C1orf21: variants seen among roughly 807,000 people sequenced by gnomAD.
The protein encoded by C1orf21 is uncharacterized protein C1orf21.
C1orf21 carries 3 observed loss-of-function variants against 18.7 expected under a neutral mutation model. That is an observed-to-expected ratio of 0.16 (90% CI 0.07 to 0.42). C1orf21 has a LOEUF of 0.42. C1orf21 is among the 10% of genes least tolerant of loss of function. C1orf21 has a pLI of 0.99. For synonymous variants in C1orf21, 41 were observed against 46.4 expected (o/e 0.88, Z 0.47); for missense variants, 104 against 143.6 (o/e 0.72, Z 1.41).
intron 1 of C1orf21, among the ~76,000 whole-genome samples, chr1:184,422,855 A>G (rs139057251): frequency 2.5e-4 from 38 of 152,318 alleles, no homozygotes; most frequent in Middle Eastern, 3.4e-3. Flanking sequence ...TTGTCCCCCA[A>G]TGGCTTGGTA....
chr1:184,454,514 C>T (rs114252351), intron 1 of C1orf21, among the ~76,000 whole-genome samples: 1 of 152,112 alleles, frequency 6.6e-6, no homozygotes, highest in Non-Finnish European at 1.5e-5. Context: ...TCATGTCAAA[C>T]TGTGGTCCCT....
intron 1 of C1orf21, among the ~76,000 whole-genome samples, chr1:184,463,430 G>C (rs1657338398): frequency 6.6e-6 from 1 of 152,110 alleles, no homozygotes; most frequent in Admixed American, 6.5e-5. Flanking sequence ...CTCAACATTT[G>C]ACCTTTTTAT....
rs1334669735 is a variant in C1orf21, at chr1:184,607,680, T to TACATATATGTGTGTGTATATATATAC, written c.327+9247_327+9272dup. On this transcript the variant is annotated intron_variant, in intron 5 of 5. Transcript: ENST00000235307. ...ATACATATATATGTGTGTATATATA[T>TACATATATGTGTGTGTATATATATAC]ACATATATGTGTGTGTATATATATA... is the stretch of plus-strand genomic sequence containing the variant. Among the ~76,000 whole-genome samples the TACATATATGTGTGTGTATATATATAC allele has an allele frequency of 1.1e-3, 164 of 151,024 alleles. 2 individuals carry two copies. The East Asian group carries it at 0.011, about 10-fold the overall frequency.
In C1orf21 at chr1:184,590,776, A is replaced by G. The variant is rs1440925754; in HGVS notation, c.227A>G (p.Asn76Ser). The G allele has an allele frequency of 6.2e-7, 1 of 1,614,028 alleles. No homozygotes were observed. Among genetic ancestry groups the G allele is most frequent in the African/African-American group, 1.3e-5 (1 of 74,932 alleles). Residue 76 changes from asparagine to serine, a missense_variant, in exon 4 of 6, where the codon AAT becomes AGT. Physicochemically the swap from Asn to Ser is conservative, Grantham distance 46 (BLOSUM62 1). Coordinates refer to ENST00000235307, the MANE Select transcript of C1orf21 (RefSeq NM_030806.4). Reference protein sequence around the residue: ...SASSNVRLKTNKEVPGLVHQP... With the variant: ...SASSNVRLKTSKEVPGLVHQP... ...AGCTCAAATGTAAGACTTAAAACTA[A>G]TAAAGAGGTTCCGGGATTAGTTCAT...
At chr1:184,484,884 C>CTGTGTGTGTGTGTG (rs3034460) in intron 2 of C1orf21, among the ~76,000 whole-genome samples, 8 of 146,092 alleles carry the variant, frequency 5.5e-5, no homozygotes, top group African/African-American at 7.6e-5. Flanking sequence ...ATGCTTGTGG[C>CTGTGTGTGTGTGTG]TGTGTGTGTG....
chr1:184,579,924 A>C (rs987638213), intron 3 of C1orf21, among the ~76,000 whole-genome samples: 1 of 152,198 alleles, frequency 6.6e-6, no homozygotes, highest in Non-Finnish European at 1.5e-5. Flanking sequence ...ATGATTTCCC[A>C]TAAAAACTCT....
chr1:184,514,447 G>T (rs114558709), intron 3 of C1orf21, among the ~76,000 whole-genome samples: 164 of 152,302 alleles, frequency 1.1e-3, no homozygotes, highest in Admixed American at 2.9e-3. Flanking sequence ...GAGAAATGCA[G>T]ATTATGACAT....
intron 2 of C1orf21, among the ~76,000 whole-genome samples, chr1:184,491,707 C>T (rs1657819479): frequency 6.6e-6 from 1 of 152,112 alleles, no homozygotes; most frequent in African/African-American, 2.4e-5. Context: ...AAGTTCTGGG[C>T]CACAGGCTAT....
chr1:184,563,650 A>G (rs1658995591), intron 3 of C1orf21, among the ~76,000 whole-genome samples: 2 of 152,244 alleles, frequency 1.3e-5, no homozygotes, highest in South Asian at 4.1e-4. Context: ...AGAATAGTGT[A>G]ATCTAGCAAA....
At chr1:184,435,939 G>A (rs1571356404) in intron 1 of C1orf21, among the ~76,000 whole-genome samples, 1 of 152,338 alleles carries the variant, frequency 6.6e-6, no homozygotes, top group South Asian at 2.1e-4. Flanking sequence ...CATGGAGGTG[G>A]AGGTGGAGTA....
chr1:184,477,236 A>G, intron 1 of C1orf21, 150 bp from the exon 2 acceptor site: 1 of 327,792 alleles, frequency 3.1e-6, no homozygotes. Context: ...CACGCTGCAC[A>G]TGGTTCTTCT....
At chr1:184,451,167 C>T (rs998831250) in intron 1 of C1orf21, among the ~76,000 whole-genome samples, 2 of 152,312 alleles carry the variant, frequency 1.3e-5, no homozygotes, top group East Asian at 1.9e-4. Flanking sequence ...TGTGAACTGC[C>T]ATGCCTGGGC....
At chr1:184,575,721 G>C (rs1659177047) in intron 3 of C1orf21, among the ~76,000 whole-genome samples, 1 of 150,186 alleles carries the variant, frequency 6.7e-6, no homozygotes, top group South Asian at 2.1e-4. Flanking sequence ...TTAATACAAA[G>C]AGTTCATACC....
At chr1:184,487,023 C>T (rs1657742282) in intron 2 of C1orf21, among the ~76,000 whole-genome samples, 1 of 152,244 alleles carries the variant, frequency 6.6e-6, no homozygotes, top group Non-Finnish European at 1.5e-5. Flanking sequence ...ACTGGAGCTG[C>T]AGGCAAGGCC....
chr1:184,464,459 T>A (rs1657356794), intron 1 of C1orf21, among the ~76,000 whole-genome samples: 1 of 152,236 alleles, frequency 6.6e-6, no homozygotes, highest in Non-Finnish European at 1.5e-5. Context: ...ATGCCACCTG[T>A]GGCAGGTGCA....
chr1:184,478,844 T>TACTC (rs1261013439), intron 2 of C1orf21, among the ~76,000 whole-genome samples: 5 of 152,362 alleles, frequency 3.3e-5, no homozygotes, highest in African/African-American at 1.2e-4. Flanking sequence ...CTTCAACTCT[T>TACTC]AGTAAGGGAC....
At chr1:184,537,311 C>T (rs190642549) in intron 3 of C1orf21, among the ~76,000 whole-genome samples, 358 of 152,314 alleles carry the variant, frequency 2.4e-3, no homozygotes, top group Non-Finnish European at 4.3e-3. Flanking sequence ...CCCACTGTCC[C>T]TGGCAACCAC....
intron 1 of C1orf21, among the ~76,000 whole-genome samples, chr1:184,426,460 C>T (rs758321634): frequency 4.6e-5 from 7 of 152,158 alleles, no homozygotes; most frequent in Non-Finnish European, 1.0e-4. Flanking sequence ...CTGAGCGAGA[C>T]CCACCCACCT....
At chr1:184,617,904 G>GTT (rs142357373) in intron 5 of C1orf21, among the ~76,000 whole-genome samples, 156 of 87,428 alleles carry the variant, frequency 1.8e-3, no homozygotes, top group Non-Finnish European at 2.6e-3. Flanking sequence ...TGTTGTTGTT[G>GTT]TTTTTTTTTT....
Sources: gnomAD v4.1 joint callset for allele counts (sites outside exome capture counted in the v4.1 genomes callset) on GRCh38, gnomAD v4.1.1 for gene constraint, MANE v1.5 for transcripts, NCBI Gene and HGNC (gene_info 2026-07-23, HGNC 2026-07-21) for gene names.